The following NSMCE2 variants were observed in gnomAD, a reference collection of about 807,000 sequenced individuals.
NSMCE2 encodes the protein NSE2 SUMO ligase component of SMC5/6 complex.
In NSMCE2, 24 loss-of-function variants were observed where a neutral mutation model predicts 23.8. The ratio of observed to expected loss-of-function variants is 1.01; its 90% CI spans 0.73 to 1.42. The LOEUF is 1.42. Ranked by LOEUF, NSMCE2 falls within the 40% of genes most tolerant of loss-of-function variation. The pLI is 0.00. For missense variants in NSMCE2, 284 were observed against 296.5 expected, an observed-to-expected ratio of 0.96 and a Z score of 0.31; for synonymous variants, 92 against 94.1, an observed-to-expected ratio of 0.98 and a Z score of 0.13.
At chr8:125,357,615 T>C (rs1813340264) in intron 6 of NSMCE2, 97 bp from the exon 7 acceptor site, 1 of 855,722 alleles carries the variant, frequency 1.2e-6, no homozygotes, top group Non-Finnish European at 1.9e-6. Flanking sequence ...GCCATGAGAA[T>C]GGGAAGTTAA....
chr8:125,174,513 T>G (rs943564388), intron 4 of NSMCE2, among the ~76,000 whole-genome samples: 1 of 152,196 alleles, frequency 6.6e-6, no homozygotes, highest in Non-Finnish European at 1.5e-5. Flanking sequence ...GGGAAATTTA[T>G]TGGAGTAATT....
chr8:125,108,565 C>G (rs1014635288), intron 3 of NSMCE2, among the ~76,000 whole-genome samples: 1 of 152,198 alleles, frequency 6.6e-6, no homozygotes, highest in Non-Finnish European at 1.5e-5. Flanking sequence ...ATGCCTGCTT[C>G]ATAAGATTGT....
chr8:125,276,190 C>T (rs1375575990), intron 5 of NSMCE2, among the ~76,000 whole-genome samples: 2 of 152,216 alleles, frequency 1.3e-5, no homozygotes, highest in African/African-American at 4.8e-5. Flanking sequence ...AGCCCCTGTA[C>T]TGCCCAGGGC....
At chr8:125,170,382 T>A (rs1266440893) in intron 4 of NSMCE2, among the ~76,000 whole-genome samples, 2 of 56,640 alleles carry the variant, frequency 3.5e-5, no homozygotes, top group African/African-American at 2.1e-4. Flanking sequence ...ATTTCTTTTT[T>A]TTTTTTTTTT....
intron 5 of NSMCE2, chr8:125,348,118 G>A (rs1812856540): frequency 6.6e-6 from 1 of 152,008 alleles, no homozygotes; most frequent in Non-Finnish European, 1.5e-5. Flanking sequence ...GCTCCCTGAA[G>A]GCAAGGATTA....
chr8:125,233,874 T>C (rs543315715), intron 5 of NSMCE2, among the ~76,000 whole-genome samples: 132 of 152,144 alleles, frequency 8.7e-4, no homozygotes, highest in African/African-American at 3.2e-3. Flanking sequence ...CCCTATTGAT[T>C]ATTTATTTAG....
intron 5 of NSMCE2, among the ~76,000 whole-genome samples, chr8:125,250,839 A>G (rs1826173285): frequency 6.6e-6 from 1 of 152,074 alleles, no homozygotes; most frequent in African/African-American, 2.4e-5. Flanking sequence ...TTATGTTTTA[A>G]ATCAGTCTGA....
rs542962718 is a variant in NSMCE2, at chr8:125,365,814, G to A, written c.627-954G>A. On this transcript the variant is annotated intron_variant, in intron 7 of 7. Coordinates refer to ENST00000287437, the MANE Select transcript of NSMCE2 (RefSeq NM_173685.4). ...GGAAGTTGCAGTGAGCTGAGATCAC[G>A]CCACTGCACCCCAGCCTGGGTGAAA... Among the ~76,000 whole-genome samples the A allele has an allele frequency of 3.3e-5, 5 of 152,080 alleles. No homozygotes were observed. In the East Asian group the frequency reaches 5.8e-4, roughly 18 times the overall value.
At chr8:125,157,904 G>A (rs748912986) in intron 4 of NSMCE2, among the ~76,000 whole-genome samples, 1 of 152,154 alleles carries the variant, frequency 6.6e-6, no homozygotes, top group Non-Finnish European at 1.5e-5. Context: ...TAGGAAAATA[G>A]GATTTTGTGG....
At chr8:125,341,174 C>T (rs1016680928) in intron 5 of NSMCE2, among the ~76,000 whole-genome samples, 1 of 152,030 alleles carries the variant, frequency 6.6e-6, no homozygotes, top group Admixed American at 6.6e-5. Context: ...TGTCCTTCTG[C>T]GATGCTGCGG....
chr8:125,182,544 T>C (rs1462635004), intron 5 of NSMCE2: 1 of 460,076 alleles, frequency 2.2e-6, no homozygotes, highest in Non-Finnish European at 3.8e-6. Flanking sequence ...GAAAACAAAA[T>C]AAAAGTGAAA....
At chr8:125,131,188 G>C (rs1449586036) in intron 3 of NSMCE2, among the ~76,000 whole-genome samples, 8 of 152,032 alleles carry the variant, frequency 5.3e-5, no homozygotes, top group Non-Finnish European at 8.8e-5. Context: ...TATTATTTTT[G>C]GATACATTAT....
chr8:125,112,988 AT>A (rs1199791202), intron 3 of NSMCE2, among the ~76,000 whole-genome samples: 1 of 150,888 alleles, frequency 6.6e-6, no homozygotes, highest in Non-Finnish European at 1.5e-5. Flanking sequence ...AACAAAATGT[AT>A]ACCATAAATA....
chr8:125,319,946 C>CT (rs1427427512), intron 5 of NSMCE2, among the ~76,000 whole-genome samples: 1 of 152,034 alleles, frequency 6.6e-6, no homozygotes, highest in East Asian at 1.9e-4. Context: ...GAGGCCAAGG[C>CT]TGGCAGATCA....
intron 3 of NSMCE2, among the ~76,000 whole-genome samples, chr8:125,114,025 TAGA>T (rs1818882816): frequency 6.6e-6 from 1 of 152,196 alleles, no homozygotes. Context: ...GACTTGTTTT[TAGA>T]TTGTATTCTC....
intron 5 of NSMCE2, among the ~76,000 whole-genome samples, chr8:125,232,463 T>C (rs1158460699): frequency 6.6e-6 from 1 of 152,236 alleles, no homozygotes; most frequent in Non-Finnish European, 1.5e-5. Context: ...GCAAATAAGC[T>C]TCAGGTGCTT....
At chr8:125,136,025 A>G (rs1820050969) in intron 3 of NSMCE2, among the ~76,000 whole-genome samples, 1 of 152,180 alleles carries the variant, frequency 6.6e-6, no homozygotes. Flanking sequence ...TATATGGCTT[A>G]CCTTGTATGC....
At chr8:125,175,042 A>T (rs1018054109) in intron 4 of NSMCE2, among the ~76,000 whole-genome samples, 1 of 152,218 alleles carries the variant, frequency 6.6e-6, no homozygotes. Flanking sequence ...TAGTGTGTCC[A>T]TATGTACATG....
At chr8:125,357,412 G>C (rs1352389208) in intron 6 of NSMCE2, 93 bp downstream of exon 6, 24 of 908,908 alleles carry the variant, frequency 2.6e-5, no homozygotes, top group Admixed American at 5.9e-5. Flanking sequence ...ATTTCACTTA[G>C]GGAGTTAAGG....
Sources: allele counts gnomAD v4.1 joint callset (sites outside exome capture counted in the v4.1 genomes callset), GRCh38; gene constraint gnomAD v4.1.1; transcripts MANE v1.5; gene names NCBI Gene and HGNC (gene_info 2026-07-23, HGNC 2026-07-21).